The following TRPM7 variants were observed in gnomAD, a reference collection of about 807,000 sequenced individuals.
TRPM7 encodes transient receptor potential cation channel subfamily M member 7.
Under a neutral mutation model 229.7 loss-of-function variants are expected in TRPM7, and 134 were observed. The ratio of observed to expected loss-of-function variants is 0.58; its 90% confidence interval spans 0.51 to 0.67. TRPM7 has a LOEUF of 0.67. Ranked by LOEUF, TRPM7 falls within the 30% of genes least tolerant of loss-of-function variation. The probability of loss-of-function intolerance (pLI) is 0.00; values close to 1 mark genes in which losing one functional copy is unlikely to be tolerated. For synonymous variants in TRPM7, 699 were observed against 715.2 expected (o/e 0.98, Z 0.36); for missense variants, 1,901 against 2,210.0 (o/e 0.86, Z 2.80).
intron 38 of TRPM7, among the ~76,000 whole-genome samples, chr15:50,562,772 C>CAAA (rs537634338): frequency 4.9e-5 from 4 of 80,872 alleles, no homozygotes; most frequent in African/African-American, 1.3e-4. Flanking sequence ...GATCCTGTCT[C>CAAA]AAAAAAAAAA....
At position 50,596,258 on chromosome 15, in the gene TRPM7, A is replaced by G; in HGVS notation, c.3287T>C (p.Phe1096Ser). 6.7e-7 allele frequency: 1 copy of G among 1,500,862 alleles called. No homozygotes were observed. The highest frequency in any genetic ancestry group is 8.9e-7 in the Non-Finnish European group (1 of 1,119,762). 93.0% of individuals were successfully genotyped at this position (1,500,862 alleles called of 1,614,324 possible). ...AACAATTGAACAAAATTCTTACTTG[A>G]AAAATGCAATAAGAAGATTAACCAT... is the stretch of plus-strand genomic sequence containing the variant. ...IIMVNLLIAF[F>S]NNVYLQVKAI... is the part of the protein sequence containing the mutation. The change falls in exon 23 of 39, where the codon TTC becomes TCC. Residue 1096 changes from phenylalanine (F) to serine (S), a missense_variant. By Grantham distance (155) the Phe-to-Ser change is radical. Transcript: ENST00000646667.
chr15:50,602,356 G>A (rs2059803702), intron 21 of TRPM7, among the ~76,000 whole-genome samples: 1 of 152,112 alleles, frequency 6.6e-6, no homozygotes, highest in Admixed American at 6.5e-5. Context: ...ACACAGGGTA[G>A]GGAACATCAT....
Position 50,561,801 on chromosome 15 carries a change from C to T in TRPM7, c.5475G>A (p.Lys1825=), listed in dbSNP as rs535639128. The change falls in exon 39 of 39, where the codon AAG becomes AAA. Residue 1825 remains lysine (K), a synonymous_variant. Coordinates refer to ENST00000646667, the MANE Select transcript of TRPM7 (RefSeq NM_017672.6). The stretch of plus-strand genomic sequence containing the variant: ...TTTTATCAGGCGTATAATCATTCCT[C>T]TTCAGATCTACATTGAACACCCACA... The part of the protein sequence containing the change: ...CCRKLKLPDL[K]RNDYTPDKII... The T allele has an allele frequency of 1.2e-4, 189 of 1,596,290 alleles. No individual in the cohort carries two copies. Among genetic ancestry groups the T allele is most frequent in the Non-Finnish European group, 1.5e-4 (179 of 1,173,720 alleles).
intron 7 of TRPM7, among the ~76,000 whole-genome samples, 187 bp from the exon 8 acceptor site, chr15:50,634,743 G>T (rs999343849): frequency 1.3e-5 from 2 of 152,068 alleles, no homozygotes; most frequent in African/African-American, 4.8e-5. Flanking sequence ...ACCAGTTCAC[G>T]TAAGTAAATT....
At position 50,578,625 on chromosome 15, in the gene TRPM7, C is replaced by T; in HGVS notation, c.4618+14G>A. ...TCTCATTTTTTTCACGTTCAATCTA[C>T]CACACAGACTCACCATTTAATGTTC... On this transcript the variant is annotated intron_variant, in intron 31 of 38. Transcript: ENST00000646667. 1 of 1,609,186 alleles carries T rather than the reference C, an allele frequency of 6.2e-7. No homozygotes were observed.
intron 11 of TRPM7, among the ~76,000 whole-genome samples, chr15:50,624,912 A>T (rs1342775152): frequency 6.6e-6 from 1 of 152,238 alleles, no homozygotes; most frequent in East Asian, 1.9e-4. Flanking sequence ...GATTGTACTT[A>T]GTCTTCAGAA....
At position 50,596,151 on chromosome 15, in the gene TRPM7, G is replaced by A. The variant is rs1022703206; in HGVS notation, c.3290+104C>T. 8.6e-6 allele frequency: 6 copies of A among 698,360 alleles called. No individual in the cohort carries two copies. The African/African-American group carries it at 1.1e-4, about 13-fold the overall frequency. 43.3% of individuals were successfully genotyped at this position (698,360 alleles called of 1,614,324 possible). A position where few individuals can be genotyped will look rare whatever the true frequency, so the allele number is the denominator to read the frequency against. On this transcript the variant is annotated intron_variant, in intron 23 of 38. Transcript: ENST00000646667. ...TTCAAATATAATTTTAGTAGTTTAA[G>A]CCTCAATAAAATTTTTAGATTTTAA...
intron 21 of TRPM7, among the ~76,000 whole-genome samples, chr15:50,601,380 A>T (rs1490566710): frequency 1.3e-5 from 2 of 152,232 alleles, no homozygotes; most frequent in African/African-American, 2.4e-5. Context: ...ACGGTGGCTC[A>T]CGCCTGTAAT....
intron 16 of TRPM7, among the ~76,000 whole-genome samples, 159 bp from the exon 17 acceptor site, chr15:50,611,480 A>T (rs920384842): frequency 6.6e-5 from 10 of 152,226 alleles, no homozygotes; most frequent in African/African-American, 2.4e-4. Context: ...AGACATCTAC[A>T]TCTATGTGGA....
At position 50,646,494 on chromosome 15, in the gene TRPM7, G is replaced by A. The variant is rs184245515; in HGVS notation, c.321+2193C>T. ...AGACAAGGTCTCACTATGTTGCCCA[G>A]GCTGGTCTCAAACTCCTGAACTCAA... On this transcript the variant is annotated intron_variant, in intron 4 of 38. Coordinates refer to ENST00000646667, the MANE Select transcript of TRPM7 (RefSeq NM_017672.6). Among the ~76,000 whole-genome samples the A allele has an allele frequency of 6.8e-4, 104 of 152,196 alleles. 1 individual carries two copies. The highest frequency in any genetic ancestry group is 2.3e-3 in the African/African-American group (95 of 41,540).
At chr15:50,630,876 C>T (rs540000596) in intron 10 of TRPM7, among the ~76,000 whole-genome samples, 5 of 152,202 alleles carry the variant, frequency 3.3e-5, no homozygotes, top group Admixed American at 3.3e-4. Flanking sequence ...TGCTCTGTTG[C>T]CCAAACTGGA....
At chr15:50,562,071 T>C (rs1271876989) in intron 38 of TRPM7, among the ~76,000 whole-genome samples, 1 of 151,756 alleles carries the variant, frequency 6.6e-6, no homozygotes, top group East Asian at 1.9e-4. Context: ...ATTTTTTGTA[T>C]TTTTAGTAGA....
intron 19 of TRPM7, 102 bp from the exon 20 acceptor site, chr15:50,607,430 C>G: frequency 1.5e-5 from 14 of 963,210 alleles, no homozygotes; most frequent in Non-Finnish European, 2.1e-5. Flanking sequence ...TTAAATGAAC[C>G]TCTGTAAATT....
intron 17 of TRPM7, among the ~76,000 whole-genome samples, 177 bp from the exon 18 acceptor site, chr15:50,610,138 T>C (rs972584394): frequency 4.6e-5 from 7 of 152,154 alleles, no homozygotes; most frequent in Admixed American, 2.0e-4. Context: ...ATATATTGTA[T>C]TTAAAGAGGC....
intron 3 of TRPM7, among the ~76,000 whole-genome samples, chr15:50,649,965 C>T (rs1013640043): frequency 1.3e-5 from 2 of 151,790 alleles, no homozygotes; most frequent in African/African-American, 2.4e-5. Context: ...GAGGCCGAGA[C>T]GGGCAGATTA....
At chr15:50,566,683 A>G (rs2053613012) in intron 38 of TRPM7, among the ~76,000 whole-genome samples, 1 of 152,184 alleles carries the variant, frequency 6.6e-6, no homozygotes, top group Admixed American at 6.5e-5. Context: ...TGACAGAGTG[A>G]GACTCCATCT....
chr15:50,616,907 T>C lies in TRPM7; in HGVS notation c.1495-2644A>G, dbSNP rs182060196. 3.2e-3 allele frequency among the ~76,000 whole-genome samples: 494 copies of C among 152,194 alleles called. 1 individual carries two copies. Among genetic ancestry groups the C allele is most frequent in the Middle Eastern group, 6.8e-3 (2 of 294 alleles). ...TTTTGGCTAGGCTGTTCTTGAACTA[T>C]TGACCTCAAGCCACTGGGTCTGGCC... On this transcript the variant is annotated intron_variant, in intron 13 of 38. Coordinates refer to ENST00000646667, the MANE Select transcript of TRPM7 (RefSeq NM_017672.6).
chr15:50,578,980 C>T (rs1596083422), intron 30 of TRPM7, among the ~76,000 whole-genome samples: 1 of 151,948 alleles, frequency 6.6e-6, no homozygotes. Context: ...CTTCTGTATT[C>T]GTGGAGATTC....
chr15:50,580,664 A>G (rs1000554880), intron 30 of TRPM7, among the ~76,000 whole-genome samples: 3 of 152,200 alleles, frequency 2.0e-5, no homozygotes, highest in Non-Finnish European at 4.4e-5. Flanking sequence ...ATTATGGTAC[A>G]ACTATATGAA....
Sources: allele counts gnomAD v4.1 joint callset (sites outside exome capture counted in the v4.1 genomes callset), GRCh38; gene constraint gnomAD v4.1.1; transcripts MANE v1.5; gene names NCBI Gene and HGNC (gene_info 2026-07-23, HGNC 2026-07-21).